The following SSBP2 variants were observed in gnomAD, a reference collection of about 807,000 sequenced individuals.
SSBP2 encodes single stranded DNA binding protein 2, also known as single-stranded DNA-binding protein 2.
In SSBP2, 17 loss-of-function variants were observed where a neutral mutation model predicts 61.8. The ratio of observed to expected loss-of-function variants is 0.28; its 90% CI spans 0.19 to 0.41. The LOEUF is 0.41. Among genes scored for constraint, SSBP2 ranks in the 10% least tolerant of loss-of-function variants. The pLI, the probability that SSBP2 is intolerant of heterozygous loss-of-function variation, is 1.00. For synonymous variants in SSBP2, 139 were observed against 141.3 expected (o/e 0.98, Z 0.12); for missense variants, 310 against 458.7 (o/e 0.68, Z 2.96).
intron 2 of SSBP2, among the ~76,000 whole-genome samples, chr5:81,646,766 T>C (rs1287052576): frequency 6.7e-6 from 1 of 149,662 alleles, no homozygotes; most frequent in East Asian, 2.0e-4. Flanking sequence ...TCCAACTTCC[T>C]GGCATGTATG....
chr5:81,430,162 C>T (rs2153911777), intron 15 of SSBP2, among the ~76,000 whole-genome samples: 1 of 151,912 alleles, frequency 6.6e-6, no homozygotes, highest in East Asian at 1.9e-4. Context: ...TAAACTGTAC[C>T]TTGAAAACAG....
At position 81,503,087 on chromosome 5, in the gene SSBP2, G is replaced by C. The variant is rs375804558; in HGVS notation, c.372+10541C>G. ...AAAAAAAGCTCATCACTGATCATTA[G>C]AGAAATGCAAGTCAAAACCACAATG... On this transcript the variant is annotated intron_variant, in intron 5 of 16. Transcript: ENST00000320672. Among the ~76,000 whole-genome samples, 10 of 152,196 alleles carry C rather than the reference G, an allele frequency of 6.6e-5. No homozygotes were observed. In the East Asian group the frequency reaches 1.7e-3, roughly 27 times the overall value.
chr5:81,431,549 T>C (rs1762290419), intron 15 of SSBP2, among the ~76,000 whole-genome samples: 1 of 152,070 alleles, frequency 6.6e-6, no homozygotes, highest in Admixed American at 6.5e-5. Context: ...CCTGTTGGAC[T>C]TCCTGGTCTG....
chr5:81,547,566 G>A (rs1771835548), intron 4 of SSBP2, among the ~76,000 whole-genome samples: 1 of 152,062 alleles, frequency 6.6e-6, no homozygotes, highest in Admixed American at 6.6e-5. Context: ...TCCTGGGCTT[G>A]AGCAATCTTC....
chr5:81,744,742 G>A lies in SSBP2; in HGVS notation c.62+6239C>T, dbSNP rs546174062. 3.9e-4 allele frequency among the ~76,000 whole-genome samples: 60 copies of A among 152,092 alleles called. 1 individual carries two copies. Among genetic ancestry groups the A allele is most frequent in the Admixed American group, 3.5e-3 (53 of 15,290 alleles). ...AAAATAGGAGATTGCCAGGTCATTC[G>A]TTTACACTCACTCTAGCTGAACTGT... On this transcript the variant is annotated intron_variant, in intron 1 of 16. Coordinates refer to ENST00000320672, the MANE Select transcript of SSBP2 (RefSeq NM_012446.5).
At chr5:81,464,491 A>G (rs1382494173) in intron 9 of SSBP2, among the ~76,000 whole-genome samples, 1 of 152,170 alleles carries the variant, frequency 6.6e-6, no homozygotes, top group Non-Finnish European at 1.5e-5. Flanking sequence ...AGAGCATGAA[A>G]ACAAAGTTTT....
chr5:81,660,295 C>A (rs1458878456), intron 1 of SSBP2, among the ~76,000 whole-genome samples: 1 of 152,040 alleles, frequency 6.6e-6, no homozygotes, highest in African/African-American at 2.4e-5. Context: ...CCAGAATCTA[C>A]AAGAAACTTA....
intron 3 of SSBP2, among the ~76,000 whole-genome samples, chr5:81,624,481 T>A (rs187337276): frequency 2.0e-5 from 3 of 152,310 alleles, no homozygotes; most frequent in Admixed American, 2.0e-4. Context: ...TGGTTGAGCA[T>A]CCCAAATCTG....
At chr5:81,572,669 AG>A (rs1333885957) in intron 4 of SSBP2, among the ~76,000 whole-genome samples, 1 of 152,226 alleles carries the variant, frequency 6.6e-6, no homozygotes, top group Non-Finnish European at 1.5e-5. Flanking sequence ...ACAGAGGTAA[AG>A]TAATTTGTCC....
intron 16 of SSBP2, among the ~76,000 whole-genome samples, chr5:81,423,655 G>C (rs1219646841): frequency 1.3e-5 from 2 of 152,004 alleles, no homozygotes; most frequent in East Asian, 3.9e-4. Context: ...TGAGGCAGGA[G>C]AATCGCTTGA....
intron 5 of SSBP2, among the ~76,000 whole-genome samples, chr5:81,509,517 A>G (rs1348442681): frequency 6.6e-6 from 1 of 152,208 alleles, no homozygotes; most frequent in African/African-American, 2.4e-5. Flanking sequence ...CAGGAAACCA[A>G]TGCTGATATT....
chr5:81,431,312 T>C (rs1762268698), intron 15 of SSBP2, among the ~76,000 whole-genome samples: 1 of 152,188 alleles, frequency 6.6e-6, no homozygotes, highest in Non-Finnish European at 1.5e-5. Flanking sequence ...ATGTACTTTA[T>C]TCCCTACTTT....
intron 3 of SSBP2, among the ~76,000 whole-genome samples, chr5:81,624,471 T>G (rs531935828): frequency 6.6e-6 from 1 of 152,314 alleles, no homozygotes; most frequent in South Asian, 2.1e-4. Context: ...TTATACTTAG[T>G]GGTTGAGCAT....
chr5:81,605,993 T>G (rs1469461988), intron 4 of SSBP2, among the ~76,000 whole-genome samples: 1 of 152,060 alleles, frequency 6.6e-6, no homozygotes, highest in Admixed American at 6.6e-5. Flanking sequence ...CCCAAACAGG[T>G]TGGTCCCTGA....
At chr5:81,739,998 A>G (rs542820238) in intron 1 of SSBP2, among the ~76,000 whole-genome samples, 1 of 152,278 alleles carries the variant, frequency 6.6e-6, no homozygotes, top group African/African-American at 2.4e-5. Flanking sequence ...TTATACTCCT[A>G]TCTTACAGAA....
intron 5 of SSBP2, among the ~76,000 whole-genome samples, chr5:81,492,492 A>G (rs988230777): frequency 1.3e-5 from 2 of 152,190 alleles, no homozygotes; most frequent in African/African-American, 4.8e-5. Context: ...TGACAGAGCA[A>G]GACTCTTTCT....
At position 81,694,503 on chromosome 5, in the gene SSBP2, T is replaced by C. The variant is rs1332882408; in HGVS notation, c.63-44164A>G. 2.0e-5 allele frequency among the ~76,000 whole-genome samples: 3 copies of C among 152,152 alleles called. No individual in the cohort carries two copies. The East Asian group carries it at 5.8e-4, about 29-fold the overall frequency. On this transcript the variant is annotated intron_variant, in intron 1 of 16. Coordinates refer to ENST00000320672, the MANE Select transcript of SSBP2 (RefSeq NM_012446.5). ...ACTAAGTAAATTTGGGGACTGACTT[T>C]TCCAGATAAGTCATCCTCATTAATC...
intron 1 of SSBP2, among the ~76,000 whole-genome samples, chr5:81,670,258 T>A (rs1247836306): frequency 6.6e-6 from 1 of 152,158 alleles, no homozygotes; most frequent in Non-Finnish European, 1.5e-5. Flanking sequence ...GTAACACATG[T>A]GTGGGAGCAG....
chr5:81,571,827 A>G (rs376795801), intron 4 of SSBP2, among the ~76,000 whole-genome samples: 317 of 152,246 alleles, frequency 2.1e-3, no homozygotes, highest in South Asian at 0.02. Context: ...TAACAAACCA[A>G]AAGGAATTTC....
Sources: gnomAD v4.1 joint callset for allele counts (sites outside exome capture counted in the v4.1 genomes callset) on GRCh38, gnomAD v4.1.1 for gene constraint, MANE v1.5 for transcripts, NCBI Gene and HGNC (gene_info 2026-07-23, HGNC 2026-07-21) for gene names.